Variants in TMEM117 observed in about 807,000 individuals in gnomAD.
The protein encoded by TMEM117 is transmembrane protein 117.
TMEM117 carries 27 observed loss-of-function variants against 52.4 expected under a neutral mutation model. That is an observed-to-expected ratio of 0.51 (90% CI 0.38 to 0.71). The LOEUF is 0.71. Among genes scored for constraint, TMEM117 ranks in the 30% least tolerant of loss-of-function variants. TMEM117 has a pLI of 0.00. For missense variants in TMEM117, 556 were observed against 630.5 expected (o/e 0.88, Z 1.26); for synonymous variants, 215 against 206.3 (o/e 1.04, Z -0.36).
At chr12:44,094,531 A>G (rs1947725579) in intron 3 of TMEM117, among the ~76,000 whole-genome samples, 1 of 152,116 alleles carries the variant, frequency 6.6e-6, no homozygotes, top group African/African-American at 2.4e-5. Context: ...AAAAGTATTA[A>G]AAAATTACCT....
intron 4 of TMEM117, among the ~76,000 whole-genome samples, chr12:44,199,932 A>G: frequency 6.6e-6 from 1 of 152,188 alleles, no homozygotes; most frequent in Admixed American, 6.5e-5. Flanking sequence ...AGCCTGGTCA[A>G]CATGGTGAAA....
rs971301189 is a variant in TMEM117, at chr12:43,897,560, G to A, written c.278-46650G>A. On this transcript the variant is annotated intron_variant, in intron 2 of 7. Transcript: ENST00000266534. ...CATCTCTTGAACTCGTGATCCGCCC[G>A]CCTCAGCCTCCCAAAGTGTTGGAAT... Among the ~76,000 whole-genome samples the A allele has an allele frequency of 5.3e-5, 8 of 151,830 alleles. No homozygotes were observed. In the East Asian group the frequency reaches 9.7e-4, roughly 18 times the overall value.
At chr12:43,953,830 C>G (rs183967253) in intron 3 of TMEM117, among the ~76,000 whole-genome samples, 45 of 152,278 alleles carry the variant, frequency 3.0e-4, no homozygotes, top group African/African-American at 8.2e-4. Flanking sequence ...AACTCTCCCC[C>G]CCAAAACAAC....
intron 4 of TMEM117, among the ~76,000 whole-genome samples, chr12:44,206,326 C>T (rs1052306110): frequency 2.0e-5 from 3 of 152,102 alleles, no homozygotes; most frequent in South Asian, 2.1e-4. Flanking sequence ...TTTTCCTTGC[C>T]GTCATTCCGG....
At chr12:44,035,241 T>A (rs1946692442) in intron 3 of TMEM117, among the ~76,000 whole-genome samples, 1 of 152,218 alleles carries the variant, frequency 6.6e-6, no homozygotes, top group African/African-American at 2.4e-5. Context: ...AGGATGCAAA[T>A]GAAACAACCT....
chr12:44,024,087 G>A (rs1289737290), intron 3 of TMEM117, among the ~76,000 whole-genome samples: 1 of 152,144 alleles, frequency 6.6e-6, no homozygotes, highest in African/African-American at 2.4e-5. Flanking sequence ...ACATGGTAAC[G>A]TGAGATCAGA....
At chr12:43,901,182 G>T (rs1258417780) in intron 2 of TMEM117, among the ~76,000 whole-genome samples, 4 of 152,184 alleles carry the variant, frequency 2.6e-5, no homozygotes, top group Admixed American at 2.6e-4. Context: ...AACAAATTGT[G>T]CAAAGGCTTT....
In TMEM117 at chr12:43,865,189, C is replaced by T. The variant is rs146628438; in HGVS notation, c.277+20261C>T. On this transcript the variant is annotated intron_variant, in intron 2 of 7. Coordinates refer to ENST00000266534, the MANE Select transcript of TMEM117 (RefSeq NM_032256.3). ...AGTGAGACCAAGAACCCACCAATTCCGACACAGTGGGAAGGGTTGAACAGA... is the reference window on the plus strand; with the variant it reads ...AGTGAGACCAAGAACCCACCAATTCTGACACAGTGGGAAGGGTTGAACAGA... Among the ~76,000 whole-genome samples, 6 of 152,230 alleles carry T rather than the reference C, an allele frequency of 3.9e-5. No individual in the cohort carries two copies. In the East Asian group the frequency reaches 5.8e-4, roughly 15 times the overall value.
chr12:43,893,089 T>G (rs998362476), intron 2 of TMEM117, among the ~76,000 whole-genome samples: 8 of 152,232 alleles, frequency 5.3e-5, no homozygotes, highest in African/African-American at 1.9e-4. Context: ...ATGAATTTGG[T>G]AAAATAGGCA....
At chr12:44,349,662 C>T (rs1372677483) in intron 6 of TMEM117, among the ~76,000 whole-genome samples, 1 of 152,038 alleles carries the variant, frequency 6.6e-6, no homozygotes, top group Non-Finnish European at 1.5e-5. Context: ...TTGGAAGTAG[C>T]ATCCTTCTTT....
chr12:44,002,280 A>G (rs1946127880), intron 3 of TMEM117, among the ~76,000 whole-genome samples: 1 of 152,170 alleles, frequency 6.6e-6, no homozygotes, highest in Non-Finnish European at 1.5e-5. Flanking sequence ...ATAAAATTAG[A>G]ATAACCCCTT....
intron 6 of TMEM117, among the ~76,000 whole-genome samples, chr12:44,351,556 A>C (rs1243106773): frequency 6.6e-6 from 1 of 151,994 alleles, no homozygotes; most frequent in Non-Finnish European, 1.5e-5. Flanking sequence ...ATAGGGTTCT[A>C]GTTTCATTCT....
intron 4 of TMEM117, among the ~76,000 whole-genome samples, chr12:44,186,121 A>G (rs1447270958): frequency 1.3e-5 from 2 of 152,250 alleles, no homozygotes; most frequent in African/African-American, 4.8e-5. Context: ...TGATTTGGCT[A>G]GAACCTCTGC....
intron 3 of TMEM117, among the ~76,000 whole-genome samples, chr12:44,056,649 G>T (rs1947059239): frequency 6.6e-6 from 1 of 152,140 alleles, no homozygotes; most frequent in Non-Finnish European, 1.5e-5. Context: ...GTGGGAAAGT[G>T]GGTGACTTGG....
chr12:43,865,657 A>G (rs1170701949), intron 2 of TMEM117, among the ~76,000 whole-genome samples: 1 of 151,772 alleles, frequency 6.6e-6, no homozygotes, highest in African/African-American at 2.4e-5. Context: ...ATATCGCACC[A>G]CTGCACTCCA....
chr12:44,155,424 TG>T (rs2138238749), intron 4 of TMEM117, among the ~76,000 whole-genome samples: 2 of 152,262 alleles, frequency 1.3e-5, no homozygotes, highest in East Asian at 3.9e-4. Flanking sequence ...CTAGACTTGC[TG>T]GTTTGGCAAG....
At chr12:44,295,677 G>GT (rs139314147) in intron 5 of TMEM117, among the ~76,000 whole-genome samples, 3,309 of 140,152 alleles carry the variant, frequency 0.024, 59 homozygotes, top group African/African-American at 0.058. Flanking sequence ...CAGGATTTCT[G>GT]TTTTTTTTTT....
At chr12:43,928,293 A>G (rs1240097710) in intron 2 of TMEM117, among the ~76,000 whole-genome samples, 2 of 151,802 alleles carry the variant, frequency 1.3e-5, no homozygotes, top group Non-Finnish European at 2.9e-5. Flanking sequence ...TATTTTTATT[A>G]TTTTATATAA....
At chr12:43,885,344 A>T (rs1368224010) in intron 2 of TMEM117, among the ~76,000 whole-genome samples, 1 of 151,826 alleles carries the variant, frequency 6.6e-6, no homozygotes, top group African/African-American at 2.4e-5. Flanking sequence ...AATAGAGTAC[A>T]GCTTCCCTCC....
Sources: allele counts gnomAD v4.1 joint callset (sites outside exome capture counted in the v4.1 genomes callset), GRCh38; gene constraint gnomAD v4.1.1; transcripts MANE v1.5; gene names NCBI Gene and HGNC (gene_info 2026-07-23, HGNC 2026-07-21).